GRM3: variants seen among roughly 807,000 people sequenced by gnomAD.
GRM3 encodes the protein metabotropic glutamate receptor 3.
In GRM3, 26 loss-of-function variants were observed where a neutral mutation model predicts 70.5. The observed-to-expected ratio is 0.37, with a 90% CI of 0.27 to 0.51. GRM3 has a LOEUF of 0.51. Among genes scored for constraint, GRM3 ranks in the 20% least tolerant of loss-of-function variants. The probability of loss-of-function intolerance (pLI) is 0.93; values close to 1 mark genes in which losing one functional copy is unlikely to be tolerated. For missense variants in GRM3, 859 were observed against 1,123.8 expected (o/e 0.76, Z 3.37); for synonymous variants, 443 against 434.9 (o/e 1.02, Z -0.23).
chr7:86,821,511 AT>A (rs1344244791), intron 3 of GRM3, among the ~76,000 whole-genome samples: 1 of 152,174 alleles, frequency 6.6e-6, no homozygotes. Context: ...ATCACTTTTA[AT>A]TTAACATTCA....
chr7:86,688,896 G>A (rs1313184718), intron 1 of GRM3, among the ~76,000 whole-genome samples: 1 of 148,314 alleles, frequency 6.7e-6, no homozygotes, highest in Non-Finnish European at 1.5e-5. Flanking sequence ...TGTTCACAAA[G>A]GGTTAAGGAA....
intron 1 of GRM3, among the ~76,000 whole-genome samples, chr7:86,724,023 A>G (rs1323291061): frequency 2.6e-5 from 4 of 152,186 alleles, no homozygotes; most frequent in Admixed American, 1.3e-4. Context: ...GTTTTCTTCT[A>G]GACTTCCTGG....
At chr7:86,723,365 C>T (rs1795519052) in intron 1 of GRM3, among the ~76,000 whole-genome samples, 1 of 152,106 alleles carries the variant, frequency 6.6e-6, no homozygotes, top group Admixed American at 6.6e-5. Context: ...TCTTCTAGTA[C>T]ATAGAGAAAT....
chr7:86,758,770 A>G (rs926472488), intron 1 of GRM3, among the ~76,000 whole-genome samples: 3 of 152,052 alleles, frequency 2.0e-5, no homozygotes, highest in Non-Finnish European at 4.4e-5. Flanking sequence ...AGGAGATGTG[A>G]TTTTTATTTT....
At chr7:86,706,472 A>T (rs1795059525) in intron 1 of GRM3, among the ~76,000 whole-genome samples, 1 of 152,054 alleles carries the variant, frequency 6.6e-6, no homozygotes, top group Non-Finnish European at 1.5e-5. Context: ...AGAATAGGGG[A>T]GGTCACTTCC....
chr7:86,717,556 C>G (rs1006813352), intron 1 of GRM3, among the ~76,000 whole-genome samples: 1 of 151,900 alleles, frequency 6.6e-6, no homozygotes, highest in African/African-American at 2.4e-5. Flanking sequence ...TATTCTGAAG[C>G]TTATATTGTG....
chr7:86,825,990 A>G (rs962960574), intron 3 of GRM3, among the ~76,000 whole-genome samples: 1 of 152,192 alleles, frequency 6.6e-6, no homozygotes, highest in Non-Finnish European at 1.5e-5. Context: ...GGACAGAACA[A>G]TGGGATGTTT....
intron 1 of GRM3, among the ~76,000 whole-genome samples, chr7:86,722,760 C>A (rs1223449675): frequency 6.6e-6 from 1 of 151,692 alleles, no homozygotes; most frequent in Non-Finnish European, 1.5e-5. Context: ...TAAAAAAAAT[C>A]CACATATAAG....
At chr7:86,801,647 A>G (rs929865759) in intron 3 of GRM3, among the ~76,000 whole-genome samples, 6 of 152,230 alleles carry the variant, frequency 3.9e-5, no homozygotes, top group African/African-American at 1.4e-4. Flanking sequence ...GTATCTTAGC[A>G]ACTAGTAAGG....
At chr7:86,707,572 A>T (rs1321478034) in intron 1 of GRM3, among the ~76,000 whole-genome samples, 1 of 152,098 alleles carries the variant, frequency 6.6e-6, no homozygotes, top group East Asian at 1.9e-4. Flanking sequence ...AATAATAGAC[A>T]TATATGTACT....
chr7:86,768,875 C>A (rs1426376784), intron 2 of GRM3, among the ~76,000 whole-genome samples: 1 of 152,070 alleles, frequency 6.6e-6, no homozygotes, highest in Non-Finnish European at 1.5e-5. Flanking sequence ...TCCAAGGAAC[C>A]CTTCAATACA....
At chr7:86,755,788 G>C (rs1041086049) in intron 1 of GRM3, among the ~76,000 whole-genome samples, 3 of 152,070 alleles carry the variant, frequency 2.0e-5, no homozygotes, top group Non-Finnish European at 4.4e-5. Context: ...CAGCAAACAG[G>C]ATATAGGATG....
Position 86,832,512 on chromosome 7 carries a change from A to G in GRM3, c.1325-6327A>G, listed in dbSNP as rs561887633. On this transcript the variant is annotated intron_variant, in intron 3 of 5. Coordinates refer to ENST00000361669, the MANE Select transcript of GRM3 (RefSeq NM_000840.3). ...ATGATCCGCCTGTCTCAGCCTCCCA[A>G]AATGCTGGGATTACAGGAGTCAGCC... Among the ~76,000 whole-genome samples the G allele has an allele frequency of 5.3e-5, 8 of 151,992 alleles. No homozygotes were observed. The South Asian group carries it at 1.7e-3, about 32-fold the overall frequency.
At chr7:86,755,965 C>A (rs1289672018) in intron 1 of GRM3, among the ~76,000 whole-genome samples, 1 of 152,124 alleles carries the variant, frequency 6.6e-6, no homozygotes, top group Non-Finnish European at 1.5e-5. Flanking sequence ...TCTGTATTAA[C>A]CCACATATTG....
intron 5 of GRM3, among the ~76,000 whole-genome samples, chr7:86,851,660 C>T (rs1045472765): frequency 6.6e-6 from 1 of 152,104 alleles, no homozygotes; most frequent in Non-Finnish European, 1.5e-5. Context: ...TTTAACAGGG[C>T]AGCCCTTCCC....
At chr7:86,669,873 C>T (rs947318441) in intron 1 of GRM3, among the ~76,000 whole-genome samples, 4 of 152,128 alleles carry the variant, frequency 2.6e-5, no homozygotes, top group African/African-American at 9.7e-5. Flanking sequence ...CTATTTACTC[C>T]TTAACTCACT....
In GRM3 at chr7:86,724,096, A is replaced by T. The variant is rs113774329; in HGVS notation, c.-140-40910A>T. On this transcript the variant is annotated intron_variant, in intron 1 of 5. Coordinates refer to ENST00000361669, the MANE Select transcript of GRM3 (RefSeq NM_000840.3). ...CTATTACTTAGAAGATAAAAGTGGG[A>T]TCACTAACATTTCAATTAACGCTTT... Among the ~76,000 whole-genome samples the T allele has an allele frequency of 6.6e-5, 10 of 152,306 alleles. 2 individuals are homozygous for T. The highest frequency in any genetic ancestry group is 2.2e-4 in the African/African-American group (9 of 41,582).
At chr7:86,672,458 G>A (rs566270703) in intron 1 of GRM3, among the ~76,000 whole-genome samples, 1 of 152,270 alleles carries the variant, frequency 6.6e-6, no homozygotes, top group Admixed American at 6.5e-5. Context: ...GACTTATGGG[G>A]CACGTTTATA....
intron 2 of GRM3, among the ~76,000 whole-genome samples, chr7:86,768,507 A>C (rs1186183626): frequency 6.6e-6 from 1 of 152,210 alleles, no homozygotes; most frequent in Non-Finnish European, 1.5e-5. Flanking sequence ...GCTCTGAAAT[A>C]ACAGTAACTA....
Sources: allele counts gnomAD v4.1 joint callset (sites outside exome capture counted in the v4.1 genomes callset), GRCh38; gene constraint gnomAD v4.1.1; transcripts MANE v1.5; gene names NCBI Gene and HGNC (gene_info 2026-07-23, HGNC 2026-07-21).